Variants in SMYD3 observed in about 807,000 individuals in gnomAD.
SMYD3 encodes the protein histone-lysine N-methyltransferase SMYD3.
SMYD3 carries 36 observed loss-of-function variants against 57.7 expected under a neutral mutation model. That is an observed-to-expected ratio of 0.62 (90% CI 0.48 to 0.82). The LOEUF is 0.82. Among genes scored for constraint, SMYD3 ranks in the 40% least tolerant of loss-of-function variants. SMYD3 has a pLI of 0.00. For synonymous variants in SMYD3, 211 were observed against 195.0 expected, an observed-to-expected ratio of 1.08 and a Z score of -0.68; for missense variants, 515 against 538.8, an observed-to-expected ratio of 0.96 and a Z score of 0.44.
intron 8 of SMYD3, among the ~76,000 whole-genome samples, chr1:245,871,347 T>C (rs990173204): frequency 6.6e-6 from 1 of 152,214 alleles, no homozygotes; most frequent in Non-Finnish European, 1.5e-5. Flanking sequence ...CTGGAACCAA[T>C]TTCCACCTCC....
intron 1 of SMYD3, among the ~76,000 whole-genome samples, chr1:246,390,506 A>G (rs757025389): frequency 5.9e-5 from 9 of 152,188 alleles, no homozygotes; most frequent in Non-Finnish European, 1.2e-4. Context: ...AGATTATGCT[A>G]TGTTCAAGAT....
intron 5 of SMYD3, among the ~76,000 whole-genome samples, chr1:246,146,718 G>A (rs1034779008): frequency 2.0e-5 from 3 of 152,026 alleles, no homozygotes; most frequent in Admixed American, 1.3e-4. Context: ...CTAATAATGG[G>A]GCCTACACAC....
chr1:246,191,209 A>T (rs1262954416), intron 5 of SMYD3, among the ~76,000 whole-genome samples: 1 of 152,256 alleles, frequency 6.6e-6, no homozygotes. Flanking sequence ...CCTTGAAATC[A>T]GTACAGGGCC....
At chr1:246,448,944 C>A (rs562105453) in intron 1 of SMYD3, among the ~76,000 whole-genome samples, 29 of 152,170 alleles carry the variant, frequency 1.9e-4, no homozygotes, top group African/African-American at 6.0e-4. Context: ...TAAAGTTTAC[C>A]CTGCTGGGCA....
At chr1:246,119,049 C>CT (rs2061383527) in intron 5 of SMYD3, among the ~76,000 whole-genome samples, 4 of 152,106 alleles carry the variant, frequency 2.6e-5, no homozygotes, top group African/African-American at 9.7e-5. Context: ...GAGACAAGGT[C>CT]TCACTCTGTT....
intron 5 of SMYD3, among the ~76,000 whole-genome samples, chr1:246,326,599 A>C (rs1372942694): frequency 3.8e-5 from 4 of 104,012 alleles, no homozygotes; most frequent in African/African-American, 1.2e-4. Context: ...CAAAAACAAA[A>C]AAAAAAAAAC....
At chr1:246,129,572 A>G (rs1197088399) in intron 5 of SMYD3, among the ~76,000 whole-genome samples, 1 of 152,106 alleles carries the variant, frequency 6.6e-6, no homozygotes, top group Non-Finnish European at 1.5e-5. Flanking sequence ...CATGTTCACT[A>G]TTCAAAGTAG....
chr1:246,246,044 T>G (rs2063698304), intron 5 of SMYD3, among the ~76,000 whole-genome samples: 1 of 152,238 alleles, frequency 6.6e-6, no homozygotes, highest in South Asian at 2.1e-4. Context: ...CATGAAATAC[T>G]TGTTCCAGTT....
At chr1:245,872,930 C>T (rs1164803072) in intron 8 of SMYD3, among the ~76,000 whole-genome samples, 1 of 152,224 alleles carries the variant, frequency 6.6e-6, no homozygotes, top group Admixed American at 6.5e-5. Context: ...ACAGCCTCAA[C>T]ACCTCCCCTC....
At chr1:246,107,148 G>C (rs1201903695) in intron 5 of SMYD3, among the ~76,000 whole-genome samples, 1 of 147,122 alleles carries the variant, frequency 6.8e-6, no homozygotes, top group Non-Finnish European at 1.5e-5. Context: ...TTAGCCAGGC[G>C]TGGTGGCAGG....
intron 1 of SMYD3, among the ~76,000 whole-genome samples, chr1:246,385,397 C>T (rs2148758842): frequency 6.8e-6 from 1 of 148,116 alleles, no homozygotes; most frequent in Non-Finnish European, 1.5e-5. Context: ...TCACATGGCA[C>T]TACGGGCTTT....
chr1:246,259,175 C>T (rs2063953609), intron 5 of SMYD3, among the ~76,000 whole-genome samples: 1 of 152,174 alleles, frequency 6.6e-6, no homozygotes, highest in Non-Finnish European at 1.5e-5. Context: ...AGCTTCCTTG[C>T]AATTCATGCT....
chr1:246,376,193 T>C (rs1558432005), intron 1 of SMYD3, among the ~76,000 whole-genome samples: 1 of 152,182 alleles, frequency 6.6e-6, no homozygotes, highest in Non-Finnish European at 1.5e-5. Context: ...GTATTACATA[T>C]ATATACACAC....
intron 5 of SMYD3, among the ~76,000 whole-genome samples, chr1:246,129,044 C>A (rs546174977): frequency 2.0e-5 from 3 of 152,252 alleles, no homozygotes; most frequent in South Asian, 4.2e-4. Flanking sequence ...GCGATCTGCG[C>A]ACCTCGGCCT....
At chr1:246,242,776 C>CA (rs1160180476) in intron 5 of SMYD3, among the ~76,000 whole-genome samples, 4 of 143,284 alleles carry the variant, frequency 2.8e-5, no homozygotes, top group Admixed American at 7.2e-5. Context: ...AAATGGAAAA[C>CA]AAAAAAAAAG....
At chr1:245,803,948 C>T (rs2048006619) in intron 10 of SMYD3, among the ~76,000 whole-genome samples, 1 of 146,910 alleles carries the variant, frequency 6.8e-6, no homozygotes, top group East Asian at 2.0e-4. Context: ...GAGTCTCTCT[C>T]TGTCGCCCAG....
intron 2 of SMYD3, among the ~76,000 whole-genome samples, chr1:246,338,795 CCAGTAGTT>C (rs2065584403): frequency 6.6e-6 from 1 of 152,148 alleles, no homozygotes; most frequent in African/African-American, 2.4e-5. Context: ...ATTAACCACA[CCAGTAGTT>C]CTCAATGGGA....
At chr1:246,181,285 T>C (rs557962398) in intron 5 of SMYD3, among the ~76,000 whole-genome samples, 4 of 152,308 alleles carry the variant, frequency 2.6e-5, no homozygotes, top group Non-Finnish European at 5.9e-5. Flanking sequence ...TCTTCCTCCA[T>C]CCAACCTTCA....
At chr1:245,896,399 A>AAAAC (rs2053795364) in intron 8 of SMYD3, among the ~76,000 whole-genome samples, 1 of 151,084 alleles carries the variant, frequency 6.6e-6, no homozygotes, top group Admixed American at 6.6e-5. Context: ...CAAAAAAAAA[A>AAAAC]AAAAAAACAG....
Sources: allele counts gnomAD v4.1 joint callset (sites outside exome capture counted in the v4.1 genomes callset), GRCh38; gene constraint gnomAD v4.1.1; transcripts MANE v1.5; gene names NCBI Gene and HGNC (gene_info 2026-07-23, HGNC 2026-07-21).